The following DPP10 variants were observed in gnomAD, a reference collection of about 807,000 sequenced individuals.
DPP10 encodes dipeptidyl peptidase like 10.
Under a neutral mutation model 120.9 loss-of-function variants are expected in DPP10, and 33 were observed. That is an observed-to-expected ratio of 0.27 (90% CI 0.21 to 0.37). The LOEUF is 0.37. Ranked by LOEUF, DPP10 falls within the 10% of genes least tolerant of loss-of-function variation. DPP10 has a pLI of 1.00. For missense variants in DPP10, 816 were observed against 942.8 expected, an observed-to-expected ratio of 0.87 and a Z score of 1.76; for synonymous variants, 337 against 326.1, an observed-to-expected ratio of 1.03 and a Z score of -0.36.
chr2:114,937,010 T>C (rs1441212824), intron 1 of DPP10, among the ~76,000 whole-genome samples: 7 of 152,192 alleles, frequency 4.6e-5, no homozygotes, highest in African/African-American at 9.6e-5. Context: ...GTCGGATGTA[T>C]AGATTGTGAA....
At chr2:114,751,384 G>A (rs1574103483) in intron 1 of DPP10, among the ~76,000 whole-genome samples, 1 of 152,192 alleles carries the variant, frequency 6.6e-6, no homozygotes, top group Admixed American at 6.5e-5. Flanking sequence ...CCAGCCACAG[G>A]TTTAAATGCT....
intron 25 of DPP10, among the ~76,000 whole-genome samples, chr2:115,841,366 A>G (rs986380033): frequency 2.0e-5 from 3 of 152,284 alleles, no homozygotes; most frequent in Non-Finnish European, 2.9e-5. Context: ...TATATTTATC[A>G]AGGACATTAC....
At chr2:115,447,455 G>T (rs1486048605) in intron 3 of DPP10, among the ~76,000 whole-genome samples, 1 of 152,102 alleles carries the variant, frequency 6.6e-6, no homozygotes, top group Non-Finnish European at 1.5e-5. Flanking sequence ...CATGAGATTT[G>T]GGAGGGGCTA....
chr2:115,632,795 G>C (rs1038517199), intron 5 of DPP10, among the ~76,000 whole-genome samples: 14 of 152,126 alleles, frequency 9.2e-5, no homozygotes, highest in African/African-American at 3.1e-4. Context: ...CTTCTCAAAA[G>C]AAGACATTTA....
At chr2:114,616,588 C>G (rs1219270505) in intron 1 of DPP10, among the ~76,000 whole-genome samples, 1 of 152,092 alleles carries the variant, frequency 6.6e-6, no homozygotes, top group Non-Finnish European at 1.5e-5. Context: ...GTTGCTGTAA[C>G]CTTTGCAGAC....
chr2:115,739,826 C>T lies in DPP10; in HGVS notation c.785C>T (p.Pro262Leu). The change falls in exon 9 of 26, where the codon CCC (proline) becomes CTC (leucine). Residue 262 changes from proline to leucine, a missense_variant. Around this residue, in one of 3 missense-constraint regions of DPP10, gnomAD observed 592 missense variants for 649.0 expected, o/e 0.91. Transcript: ENST00000410059. ...CTGATGATAAATGACTCTTTGGTAC[C>T]CACCATGGTTATCCCTCGGTTTACT... ...AFLMINDSLVPTMVIPRFTGA... is the reference protein window; with the variant it reads ...AFLMINDSLVLTMVIPRFTGA... 1 of 1,613,494 alleles carries T rather than the reference C, an allele frequency of 6.2e-7. No homozygotes were observed. Among genetic ancestry groups the T allele is most frequent in the Non-Finnish European group, 8.5e-7 (1 of 1,179,558 alleles).
At chr2:114,472,662 C>G (rs1680022359) in intron 1 of DPP10, among the ~76,000 whole-genome samples, 1 of 152,166 alleles carries the variant, frequency 6.6e-6, no homozygotes, top group South Asian at 2.1e-4. Context: ...AAGAGGTTGT[C>G]AGACTTTAAT....
intron 1 of DPP10, among the ~76,000 whole-genome samples, chr2:115,060,482 C>T (rs1706317255): frequency 1.3e-5 from 2 of 152,030 alleles, no homozygotes; most frequent in Non-Finnish European, 2.9e-5. Flanking sequence ...AGTCCCAGCA[C>T]TCGGGAGGAT....
At chr2:114,736,433 A>T (rs1677445905) in intron 1 of DPP10, among the ~76,000 whole-genome samples, 1 of 152,228 alleles carries the variant, frequency 6.6e-6, no homozygotes, top group Admixed American at 6.5e-5. Flanking sequence ...ATGGATTTAC[A>T]TGCATACAGG....
intron 1 of DPP10, among the ~76,000 whole-genome samples, chr2:114,783,612 AGATCAT>A: frequency 6.6e-6 from 1 of 152,182 alleles, no homozygotes; most frequent in East Asian, 1.9e-4. Flanking sequence ...CAAGAAGGGC[AGATCAT>A]TTGAGCCCAG....
At chr2:115,219,032 A>C (rs1373753141) in intron 1 of DPP10, among the ~76,000 whole-genome samples, 1 of 152,134 alleles carries the variant, frequency 6.6e-6, no homozygotes, top group East Asian at 1.9e-4. Context: ...GATAGCATGC[A>C]TTATCTTATT....
At chr2:114,601,501 G>T (rs971731019) in intron 1 of DPP10, among the ~76,000 whole-genome samples, 7 of 151,732 alleles carry the variant, frequency 4.6e-5, no homozygotes, top group South Asian at 2.1e-4. Context: ...GGGGAGGGAG[G>T]TCTTATAAGT....
chr2:115,778,095 T>A (rs780433076), intron 15 of DPP10, among the ~76,000 whole-genome samples: 2 of 152,106 alleles, frequency 1.3e-5, no homozygotes, highest in Non-Finnish European at 2.9e-5. Flanking sequence ...ATATCTTTTT[T>A]GTGGCTTATT....
chr2:115,330,007 C>T lies in DPP10; in HGVS notation c.176-13810C>T, dbSNP rs573148269. On this transcript the variant is annotated intron_variant, in intron 2 of 25. Coordinates refer to ENST00000410059, the MANE Select transcript of DPP10 (RefSeq NM_020868.6). Reference sequence around the variant, plus strand: ...TTCTAGTTCTAGATCCTTGAGGAATCGCCACACTGTCTGCCATAATGGTTG... The same window carrying T: ...TTCTAGTTCTAGATCCTTGAGGAATTGCCACACTGTCTGCCATAATGGTTG... 2.0e-4 allele frequency among the ~76,000 whole-genome samples: 30 copies of T among 152,240 alleles called. 1 individual carries two copies. The South Asian group carries it at 3.1e-3, about 16-fold the overall frequency.
intron 5 of DPP10, among the ~76,000 whole-genome samples, chr2:115,624,125 A>G (rs1175631540): frequency 1.3e-5 from 2 of 152,280 alleles, no homozygotes; most frequent in East Asian, 1.9e-4. Flanking sequence ...TTTCTAAAGC[A>G]CTTTAAAATC....
intron 1 of DPP10, among the ~76,000 whole-genome samples, chr2:115,279,133 T>C (rs184204709): frequency 9.9e-4 from 151 of 152,298 alleles, no homozygotes; most frequent in African/African-American, 3.4e-3. Flanking sequence ...TTAGGAAGCA[T>C]GTAAACTCAG....
chr2:115,820,982 C>G (rs1010589116), intron 21 of DPP10, among the ~76,000 whole-genome samples: 2 of 152,050 alleles, frequency 1.3e-5, no homozygotes, highest in South Asian at 4.1e-4. Flanking sequence ...GGTAGATACC[C>G]AATAGTGGGA....
chr2:114,640,805 T>A (rs1392408565), intron 1 of DPP10, among the ~76,000 whole-genome samples: 1 of 151,892 alleles, frequency 6.6e-6, no homozygotes, highest in African/African-American at 2.4e-5. Flanking sequence ...CTTCTTGGTA[T>A]GTTACAGGGA....
intron 1 of DPP10, among the ~76,000 whole-genome samples, chr2:114,916,358 G>A (rs928002134): frequency 5.3e-5 from 8 of 152,056 alleles, no homozygotes; most frequent in Admixed American, 6.6e-5. Flanking sequence ...AAAAGCCCTG[G>A]ATCAGATGGA....
Sources: gnomAD v4.1 joint callset for allele counts (sites outside exome capture counted in the v4.1 genomes callset) on GRCh38, gnomAD v4.1.1 for gene constraint, gnomAD v4.1.1 regional missense constraint, MANE v1.5 for transcripts, NCBI Gene and HGNC (gene_info 2026-07-23, HGNC 2026-07-21) for gene names.